MBOAT1: variants seen among roughly 807,000 people sequenced by gnomAD.
The protein encoded by MBOAT1 is membrane-bound glycerophospholipid O-acyltransferase 1.
MBOAT1 carries 67 observed loss-of-function variants against 64.4 expected under a neutral mutation model. The observed-to-expected ratio is 1.04, with a 90% CI of 0.85 to 1.27. MBOAT1 has a LOEUF of 1.27. Among genes scored for constraint, MBOAT1 ranks in the 50% most tolerant of loss-of-function variants. The probability of loss-of-function intolerance (pLI) is 0.00; values close to 1 mark genes in which losing one functional copy is unlikely to be tolerated. For synonymous variants in MBOAT1, 229 were observed against 218.9 expected (o/e 1.05, Z -0.41); for missense variants, 563 against 604.6 (o/e 0.93, Z 0.72).
chr6:20,166,064 T>C (rs1762007586), intron 1 of MBOAT1, among the ~76,000 whole-genome samples: 1 of 152,180 alleles, frequency 6.6e-6, no homozygotes, highest in Admixed American at 6.5e-5. Flanking sequence ...TCTTCCTCTT[T>C]AGCAGATGGA....
chr6:20,193,036 C>G (rs1353224078), intron 1 of MBOAT1, among the ~76,000 whole-genome samples: 3 of 56,288 alleles, frequency 5.3e-5, no homozygotes, highest in African/African-American at 1.5e-4. Context: ...GACGGAGTCT[C>G]GCTCTGTCGC....
chr6:20,162,026 C>T (rs1361291280), intron 1 of MBOAT1, among the ~76,000 whole-genome samples: 2 of 152,084 alleles, frequency 1.3e-5, no homozygotes, highest in Admixed American at 6.6e-5. Flanking sequence ...TGTGTCTTCC[C>T]TGTGTGTGTG....
At chr6:20,150,218 A>G (rs1761449969) in intron 3 of MBOAT1, among the ~76,000 whole-genome samples, 1 of 152,342 alleles carries the variant, frequency 6.6e-6, no homozygotes, top group South Asian at 2.1e-4. Context: ...AAATCAAAAC[A>G]TCATCGTAAA....
At chr6:20,144,390 C>G (rs1761269313) in intron 3 of MBOAT1, 75 bp from the exon 4 acceptor site, 1 of 985,786 alleles carries the variant, frequency 1.0e-6, no homozygotes. Context: ...CCCTCTTCCT[C>G]TCTTTCATCC....
intron 1 of MBOAT1, among the ~76,000 whole-genome samples, chr6:20,209,079 C>A (rs1763347526): frequency 6.6e-6 from 1 of 152,188 alleles, no homozygotes; most frequent in South Asian, 2.1e-4. Context: ...AAAGTGCTTG[C>A]CCACTTTATC....
intron 1 of MBOAT1, among the ~76,000 whole-genome samples, chr6:20,197,947 C>T (rs1763004453): frequency 6.6e-6 from 1 of 152,122 alleles, no homozygotes; most frequent in Non-Finnish European, 1.5e-5. Flanking sequence ...AAGCAGCTGG[C>T]TGGTCACAGT....
At chr6:20,104,895 G>A (rs1327519701) in intron 12 of MBOAT1, among the ~76,000 whole-genome samples, 2 of 152,156 alleles carry the variant, frequency 1.3e-5, no homozygotes, top group African/African-American at 4.8e-5. Flanking sequence ...ACAATAAACT[G>A]GATCTACAAA....
Position 20,150,578 on chromosome 6 carries a change from T to C in MBOAT1, c.323+607A>G, listed in dbSNP as rs1388235545. ...TTCTTTTTCCTTTTTTTTTTTTTTT[T>C]TGACAGAGGAGTTTCCCTCTGTCAC... On this transcript the variant is annotated intron_variant, in intron 3 of 12. Transcript: ENST00000324607. 7.3e-5 allele frequency among the ~76,000 whole-genome samples: 11 copies of C among 150,670 alleles called. No individual in the cohort carries two copies. In the East Asian group the frequency reaches 1.9e-3, roughly 27 times the overall value.
chr6:20,188,790 C>A (rs748204262), intron 1 of MBOAT1, among the ~76,000 whole-genome samples: 4 of 152,098 alleles, frequency 2.6e-5, no homozygotes, highest in African/African-American at 4.8e-5. Context: ...ATGTCTGGGC[C>A]AGTCACTTGT....
rs1243195869 is a variant in MBOAT1, at chr6:20,101,805, G to C, written c.*481C>G. 1.4e-4 allele frequency among the ~76,000 whole-genome samples: 22 copies of C among 152,084 alleles called. No individual in the cohort carries two copies. Among genetic ancestry groups the C allele is most frequent in the Non-Finnish European group, 3.1e-4 (21 of 68,022 alleles). On this transcript the variant is annotated 3_prime_UTR_variant, in exon 13 of 13. Transcript: ENST00000324607. Reference sequence around the variant, plus strand: ...TAACCTGGACATGGCCGATTAATCTGTACAAAAAGGCTTTATAAAAATACT... The same window carrying C: ...TAACCTGGACATGGCCGATTAATCTCTACAAAAAGGCTTTATAAAAATACT...
In MBOAT1 at chr6:20,112,940, C is replaced by A. The variant is rs1375675677; in HGVS notation, c.1145G>T (p.Gly382Val). 1.9e-6 allele frequency: 3 copies of A among 1,614,010 alleles called. No individual in the cohort carries two copies. Among genetic ancestry groups the A allele is most frequent in the Non-Finnish European group, 2.5e-6 (3 of 1,180,000 alleles). Reference protein sequence around the residue: ...LTFILSALWHGVYPGYYFTFL... With the variant: ...LTFILSALWHVVYPGYYFTFL... ...GGTAAAATAGTATCCAGGGTAGACA[C>A]CATGCCACAAAGCAGACAGGATGAA... is the stretch of plus-strand genomic sequence containing the variant. The change falls in exon 11 of 13, where the codon GGT (glycine) becomes GTT (valine). Residue 382 changes from glycine to valine, a missense_variant. Gly to Val is a moderately radical substitution (Grantham distance 109). Coordinates refer to ENST00000324607, the MANE Select transcript of MBOAT1 (RefSeq NM_001080480.3).
intron 7 of MBOAT1, among the ~76,000 whole-genome samples, chr6:20,125,586 C>T (rs1468912224): frequency 3.3e-5 from 5 of 152,206 alleles, no homozygotes; most frequent in Non-Finnish European, 5.9e-5. Flanking sequence ...GCACGAGAAG[C>T]GTGAAAACAC....
At chr6:20,201,169 A>T (rs1763112761) in intron 1 of MBOAT1, among the ~76,000 whole-genome samples, 1 of 152,114 alleles carries the variant, frequency 6.6e-6, no homozygotes, top group African/African-American at 2.4e-5. Flanking sequence ...GCTCCTTCCC[A>T]GTTTGTGGAG....
intron 4 of MBOAT1, among the ~76,000 whole-genome samples, chr6:20,139,579 G>C (rs1761108265): frequency 8.9e-6 from 1 of 112,484 alleles, no homozygotes; most frequent in African/African-American, 3.4e-5. Context: ...TTTTGAGACA[G>C]GGTCTTGCTC....
intron 1 of MBOAT1, among the ~76,000 whole-genome samples, chr6:20,165,704 G>A (rs960310065): frequency 6.0e-5 from 9 of 150,176 alleles, no homozygotes; most frequent in Non-Finnish European, 1.2e-4. Flanking sequence ...GATCGTGCCA[G>A]TGCACTCCAG....
intron 1 of MBOAT1, among the ~76,000 whole-genome samples, chr6:20,171,360 G>C (rs940460145): frequency 4.3e-5 from 6 of 139,408 alleles, no homozygotes; most frequent in African/African-American, 1.6e-4. Context: ...AACATAGCAA[G>C]ATGCCATCTC....
chr6:20,124,448 C>T lies in MBOAT1; in HGVS notation c.867G>A (p.Met289Ile). The T allele has an allele frequency of 6.2e-7, 1 of 1,614,166 alleles. No individual in the cohort carries two copies. Residue 289 changes from methionine to isoleucine, a missense_variant, in exon 8 of 13, where the codon ATG becomes ATA. Physicochemically the swap from Met to Ile is conservative, Grantham distance 10 (BLOSUM62 1). Transcript: ENST00000324607. ...AGTAATACTTGGGCTTTGAGGCTTG[C>T]ATGACAACATATAAGTAGCAGAGTC... The part of the protein sequence containing the change: ...PARLCYLYVV[M>I]QASKPKYYFA...
intron 4 of MBOAT1, among the ~76,000 whole-genome samples, chr6:20,140,502 C>T (rs954269750): frequency 1.3e-5 from 2 of 152,196 alleles, no homozygotes; most frequent in East Asian, 1.9e-4. Flanking sequence ...GTGTGGAAGA[C>T]GATCATCCAA....
In MBOAT1 at chr6:20,146,954, C is replaced by T. The variant is rs146319422; in HGVS notation, c.324-2639G>A. Among the ~76,000 whole-genome samples the T allele has an allele frequency of 4.2e-4, 64 of 152,258 alleles. No homozygotes were observed. The East Asian group carries it at 0.011, about 26-fold the overall frequency. Reference sequence around the variant, plus strand: ...TTAAATTGTAGCTCCCAAATTCCCACGTGTTGTGGGAGGGACCCAGTGGGA... The same window carrying T: ...TTAAATTGTAGCTCCCAAATTCCCATGTGTTGTGGGAGGGACCCAGTGGGA... On this transcript the variant is annotated intron_variant, in intron 3 of 12. Coordinates refer to ENST00000324607, the MANE Select transcript of MBOAT1 (RefSeq NM_001080480.3).
Sources: gnomAD v4.1 joint callset for allele counts (sites outside exome capture counted in the v4.1 genomes callset) on GRCh38, gnomAD v4.1.1 for gene constraint, MANE v1.5 for transcripts, NCBI Gene and HGNC (gene_info 2026-07-23, HGNC 2026-07-21) for gene names.